The following KCNMA1 variants were observed in gnomAD, a reference collection of about 807,000 sequenced individuals.
KCNMA1 encodes Calcium-activated potassium channel subunit alpha-1.
In KCNMA1, 29 loss-of-function variants were observed where a neutral mutation model predicts 140.0. The ratio of observed to expected loss-of-function variants is 0.21; its 90% CI spans 0.15 to 0.28. The LOEUF (loss-of-function observed/expected upper bound fraction) is 0.28. Among genes scored for constraint, KCNMA1 ranks in the 10% least tolerant of loss-of-function variants. The pLI is 1.00. For synonymous variants in KCNMA1, 612 were observed against 611.9 expected, an observed-to-expected ratio of 1.00 and a Z score of 0.00; for missense variants, 880 against 1,602.2, an observed-to-expected ratio of 0.55 and a Z score of 7.70.
chr10:77,192,603 G>A lies in KCNMA1; in HGVS notation c.603-7687C>T, dbSNP rs373855494. ...TTCTGTAAACTGGGGATAAGGTTACGAATTCCCAACGTTGTTCTAAGACTG... is the reference window on the plus strand; with the variant it reads ...TTCTGTAAACTGGGGATAAGGTTACAAATTCCCAACGTTGTTCTAAGACTG... On this transcript the variant is annotated intron_variant, in intron 3 of 27. Coordinates refer to ENST00000286628, the MANE Select transcript of KCNMA1 (RefSeq NM_001161352.2). 6.6e-5 allele frequency among the ~76,000 whole-genome samples: 10 copies of A among 152,176 alleles called. No individual in the cohort carries two copies. The South Asian group carries it at 1.7e-3, about 25-fold the overall frequency.
intron 2 of KCNMA1, among the ~76,000 whole-genome samples, chr10:77,328,712 A>G (rs923676073): frequency 2.0e-5 from 3 of 152,228 alleles, no homozygotes; most frequent in Non-Finnish European, 4.4e-5. Context: ...AACAGAAGAA[A>G]ACATATATGG....
intron 2 of KCNMA1, among the ~76,000 whole-genome samples, chr10:77,278,587 C>T (rs537479098): frequency 1.1e-4 from 17 of 152,274 alleles, no homozygotes; most frequent in Non-Finnish European, 2.2e-4. Flanking sequence ...CCAGCCTCAA[C>T]CCAGGACTAT....
At chr10:77,413,266 A>G (rs1406228465) in intron 1 of KCNMA1, among the ~76,000 whole-genome samples, 1 of 152,126 alleles carries the variant, frequency 6.6e-6, no homozygotes, top group Non-Finnish European at 1.5e-5. Context: ...TACCTTAGGA[A>G]GCCCTGGGGC....
At chr10:77,337,550 G>A (rs1449804731) in intron 2 of KCNMA1, among the ~76,000 whole-genome samples, 3 of 152,242 alleles carry the variant, frequency 2.0e-5, no homozygotes, top group African/African-American at 7.2e-5. Flanking sequence ...AGCCCGAGAG[G>A]CGGAGGTTGT....
intron 9 of KCNMA1, among the ~76,000 whole-genome samples, chr10:77,102,419 G>A (rs1265029911): frequency 1.3e-5 from 2 of 152,188 alleles, no homozygotes; most frequent in Non-Finnish European, 2.9e-5. Context: ...GAGTGAGAAG[G>A]AGAGTCCAAA....
chr10:77,183,640 C>T (rs2098820719), intron 4 of KCNMA1, 108 bp from the exon 5 acceptor site: 1 of 753,400 alleles, frequency 1.3e-6, no homozygotes, highest in African/African-American at 1.7e-5. Flanking sequence ...CATAGGGCCA[C>T]CACGCCCGGC....
intron 3 of KCNMA1, among the ~76,000 whole-genome samples, chr10:77,192,223 C>T (rs1006991079): frequency 1.3e-5 from 2 of 152,244 alleles, no homozygotes; most frequent in African/African-American, 4.8e-5. Context: ...TGGAATATGT[C>T]AATTCTTTAT....
chr10:77,457,862 T>C (rs1222678810), intron 1 of KCNMA1, among the ~76,000 whole-genome samples: 2 of 152,152 alleles, frequency 1.3e-5, no homozygotes, highest in Non-Finnish European at 2.9e-5. Context: ...CCTGTCTGGT[T>C]CCATTCCAGG....
At chr10:77,291,735 G>T (rs2073331686) in intron 2 of KCNMA1, among the ~76,000 whole-genome samples, 1 of 152,200 alleles carries the variant, frequency 6.6e-6, no homozygotes, top group Non-Finnish European at 1.5e-5. Flanking sequence ...CAGCGTCTGG[G>T]GGAAAAGGAG....
At chr10:76,892,883 C>G (rs1234243778) in intron 25 of KCNMA1, among the ~76,000 whole-genome samples, 1 of 152,130 alleles carries the variant, frequency 6.6e-6, no homozygotes, top group East Asian at 1.9e-4. Context: ...GCTGGATTCA[C>G]AATCCTCATT....
chr10:77,344,097 A>C (rs935874846), intron 2 of KCNMA1, among the ~76,000 whole-genome samples: 4 of 152,210 alleles, frequency 2.6e-5, no homozygotes, highest in African/African-American at 7.2e-5. Context: ...GAAGTGATGC[A>C]CATCCCTTAG....
At chr10:77,384,357 C>G (rs1328987808) in intron 2 of KCNMA1, among the ~76,000 whole-genome samples, 1 of 152,196 alleles carries the variant, frequency 6.6e-6, no homozygotes, top group Non-Finnish European at 1.5e-5. Context: ...TTGAGGCAAG[C>G]CGTGGTTGCC....
At chr10:77,086,387 G>T in intron 11 of KCNMA1, 101 bp downstream of exon 11, 1 of 857,266 alleles carries the variant, frequency 1.2e-6, no homozygotes. Context: ...GAGATGACTC[G>T]TGGCCAACCT....
intron 2 of KCNMA1, among the ~76,000 whole-genome samples, chr10:77,333,333 G>C (rs145849856): frequency 4.0e-4 from 50 of 126,056 alleles, no homozygotes; most frequent in Non-Finnish European, 6.9e-4. Flanking sequence ...GTGCAACATA[G>C]AGAGACCCAT....
intron 2 of KCNMA1, among the ~76,000 whole-genome samples, chr10:77,326,113 C>T (rs1278598640): frequency 1.3e-5 from 2 of 152,216 alleles, no homozygotes; most frequent in Admixed American, 1.3e-4. Context: ...GGAAGCCATT[C>T]ATTCCTTACT....
chr10:77,117,640 A>G (rs2097513031), intron 6 of KCNMA1, among the ~76,000 whole-genome samples: 1 of 151,962 alleles, frequency 6.6e-6, no homozygotes, highest in African/African-American at 2.4e-5. Flanking sequence ...TGAGTGATCC[A>G]TGTTTTAGTC....
At chr10:77,156,104 T>C (rs1287034186) in intron 5 of KCNMA1, among the ~76,000 whole-genome samples, 1 of 151,970 alleles carries the variant, frequency 6.6e-6, no homozygotes, top group East Asian at 1.9e-4. Context: ...GGCAGGCACC[T>C]GTAGTCCCAG....
chr10:77,282,249 C>T (rs2068887659), intron 2 of KCNMA1, among the ~76,000 whole-genome samples: 1 of 152,162 alleles, frequency 6.6e-6, no homozygotes. Context: ...CCTGTCATGG[C>T]CTTGACCTCT....
chr10:77,219,297 A>G (rs2048799642), intron 3 of KCNMA1, among the ~76,000 whole-genome samples: 1 of 152,158 alleles, frequency 6.6e-6, no homozygotes, highest in African/African-American at 2.4e-5. Context: ...GGATCCTAAG[A>G]CGTTCATTTC....
Sources: allele counts gnomAD v4.1 joint callset (sites outside exome capture counted in the v4.1 genomes callset), GRCh38; gene constraint gnomAD v4.1.1; transcripts MANE v1.5; gene names NCBI Gene and HGNC (gene_info 2026-07-23, HGNC 2026-07-21).